Variants in PML observed in about 807,000 individuals in gnomAD.
PML encodes PML nuclear body scaffold.
A neutral mutation model predicts 65.2 loss-of-function variants in PML; 28 were observed. The observed-to-expected ratio is 0.43, with a 90% CI of 0.32 to 0.59. PML has a LOEUF of 0.59. Ranked by LOEUF, PML falls within the 20% of genes least tolerant of loss-of-function variation. PML has a pLI of 0.08. For synonymous variants in PML, 500 were observed against 508.8 expected, an observed-to-expected ratio of 0.98 and a Z score of 0.23; for missense variants, 1,021 against 1,203.4, an observed-to-expected ratio of 0.85 and a Z score of 2.24.
chr15:74,016,498 T>C (rs1318599872), intron 2 of PML, among the ~76,000 whole-genome samples: 2 of 152,044 alleles, frequency 1.3e-5, no homozygotes, highest in African/African-American at 2.4e-5. Flanking sequence ...TTTGTTGTAA[T>C]ACCTAGATGG....
At chr15:74,029,270 ATATAT>A (rs1193903506) in intron 4 of PML, among the ~76,000 whole-genome samples, 5 of 152,122 alleles carry the variant, frequency 3.3e-5, no homozygotes, top group South Asian at 2.1e-4. Context: ...GAAAAAAAAT[ATATAT>A]TATATCTTAA....
At position 74,035,799 on chromosome 15, in the gene PML, G is replaced by C. The variant is rs780279843; in HGVS notation, c.1710+1269G>C. 1 of 1,614,108 alleles carries C rather than the reference G, an allele frequency of 6.2e-7. No homozygotes were observed. The highest frequency in any genetic ancestry group is 1.3e-5 in the African/African-American group (1 of 75,040). On this transcript the variant is annotated intron_variant, in intron 7 of 8. Transcript: ENST00000268058. The surrounding 1 kb of genome is among the most constrained non-coding windows in gnomAD (Gnocchi z 4.1). ...AAGCAGAGCCCAGACTCTTGGAGCA[G>C]GTGTTCCCCCTGGGGACTCTGTCAG...
chr15:74,027,823 TGGCAGTGCTGCTGAGGGAA>T (rs2071148631), intron 4 of PML: 1 of 152,324 alleles, frequency 6.6e-6, no homozygotes, highest in South Asian at 2.1e-4. Flanking sequence ...TGCCTGGGGA[TGGCAGTGCTGCTGAGGGAA>T]GGAAGTGGGG....
intron 5 of PML, among the ~76,000 whole-genome samples, chr15:74,032,942 G>A (rs1346075969): frequency 6.6e-6 from 1 of 152,208 alleles, no homozygotes; most frequent in African/African-American, 2.4e-5. Context: ...AGACACTCAG[G>A]GTTGTCAGAG....
In PML at chr15:74,022,968, A is replaced by T; in HGVS notation, c.743A>T (p.Gln248Leu). The T allele has an allele frequency of 1.2e-6, 2 of 1,610,722 alleles. No homozygotes were observed. Among genetic ancestry groups the T allele is most frequent in the Non-Finnish European group, 1.7e-6 (2 of 1,178,890 alleles). ...EELDAMTQAL[Q>L]EQDSAFGAVH... ...CTGGACGCCATGACGCAGGCGCTGC[A>T]GGAGCAGGATAGTGCCTTTGGCGCG... Residue 248 changes from glutamine to leucine, a missense_variant, in exon 3 of 9, where the codon CAG becomes CTG. Coordinates refer to ENST00000268058, the MANE Select transcript of PML (RefSeq NM_033238.3).
chr15:74,037,088 T>A lies in PML; in HGVS notation c.1710+2558T>A. On this transcript the variant is annotated intron_variant, in intron 7 of 8. Coordinates refer to ENST00000268058, the MANE Select transcript of PML (RefSeq NM_033238.3). This position sits in a 1 kb window ranked among gnomAD's most constrained non-coding sequence, Gnocchi z 4.2. Reference sequence around the variant, plus strand: ...GACCGAGATCTGCAGGAGAAAGGCCTGGGAAAACTATGAGTGGTTGCCTGT... The same window carrying A: ...GACCGAGATCTGCAGGAGAAAGGCCAGGGAAAACTATGAGTGGTTGCCTGT... The A allele has an allele frequency of 1.0e-6, 1 of 985,410 alleles. No homozygotes were observed. Among genetic ancestry groups the A allele is most frequent in the Non-Finnish European group, 1.2e-6 (1 of 829,922 alleles). The allele number at this position is 985,410 out of a possible 1,614,324, so 61.0% of individuals were successfully genotyped here. A position where few individuals can be genotyped will look rare whatever the true frequency, so the allele number is the denominator to read the frequency against.
At chr15:74,000,978 A>G (rs1403600277) in intron 2 of PML, among the ~76,000 whole-genome samples, 1 of 152,218 alleles carries the variant, frequency 6.6e-6, no homozygotes, top group Non-Finnish European at 1.5e-5. Context: ...TGCCTTTTTT[A>G]TAGTAGATTT....
intron 1 of PML, 72 bp downstream of exon 1, chr15:73,995,013 G>C: frequency 7.3e-7 from 1 of 1,364,700 alleles, no homozygotes; most frequent in South Asian, 1.4e-5. Context: ...CGGGAAGAGA[G>C]GGTCTAACGG....
At chr15:74,010,185 A>ATTTTTTTTTTTTTTTTTTTTTTTTTTT (rs536738558) in intron 2 of PML, among the ~76,000 whole-genome samples, 1 of 77,930 alleles carries the variant, frequency 1.3e-5, no homozygotes, top group Non-Finnish European at 2.4e-5. Context: ...TGCCCAGCTA[A>ATTTTTTTTTTTTTTTTTTTTTTTTTTT]TTTTTTTTTT....
chr15:74,045,794 A>G lies in PML; in HGVS notation c.*786A>G. ...TCCCAAGGAGTGCCCAGCACTACTC[A>G]GCATGTAGTCCAGGACCTGCGGCAT... On this transcript the variant is annotated 3_prime_UTR_variant, in exon 9 of 9. Transcript: ENST00000268058. 1 of 232,686 alleles carries G rather than the reference A, an allele frequency of 4.3e-6. No homozygotes were observed. 14.4% of individuals were successfully genotyped at this position (232,686 alleles called of 1,614,324 possible).
chr15:74,031,414 C>T (rs192223696), intron 4 of PML: 50 of 283,112 alleles, frequency 1.8e-4, no homozygotes, highest in Middle Eastern at 1.3e-3. Flanking sequence ...GCTGGGACTA[C>T]AGGTGTGCAC....
At position 74,044,211 on chromosome 15, in the gene PML, T is replaced by C; in HGVS notation, c.1862-10T>C. ...CCTGGGTCCTCACCCTGCCCTTCTCTCCTGCCCAGCCCAGAAGATTAGCCA... is the reference window on the plus strand; with the variant it reads ...CCTGGGTCCTCACCCTGCCCTTCTCCCCTGCCCAGCCCAGAAGATTAGCCA... On this transcript the variant is annotated splice_polypyrimidine_tract_variant and intron_variant, in intron 8 of 8. Coordinates refer to ENST00000268058, the MANE Select transcript of PML (RefSeq NM_033238.3). 3 of 1,613,510 alleles carry C rather than the reference T, an allele frequency of 1.9e-6. No homozygotes were observed. The highest frequency in any genetic ancestry group is 2.5e-6 in the Non-Finnish European group (3 of 1,179,968).
intron 6 of PML, chr15:74,034,048 C>A: frequency 2.9e-6 from 1 of 346,452 alleles, no homozygotes; most frequent in South Asian, 2.8e-5. Flanking sequence ...TATTCCTTAC[C>A]CACAAATGCT....
intron 2 of PML, among the ~76,000 whole-genome samples, chr15:74,008,213 A>G (rs564894973): frequency 6.6e-6 from 1 of 152,372 alleles, no homozygotes; most frequent in African/African-American, 2.4e-5. Flanking sequence ...GTGAGTTTGC[A>G]GCATCTCAGG....
intron 2 of PML, among the ~76,000 whole-genome samples, chr15:74,002,593 G>C (rs1340664190): frequency 2.0e-5 from 3 of 147,990 alleles, no homozygotes; most frequent in Non-Finnish European, 3.0e-5. Flanking sequence ...ACAGGCGTGT[G>C]CCACCATGCC....
At chr15:74,034,208 G>T in intron 6 of PML, 1 of 534,066 alleles carries the variant, frequency 1.9e-6, no homozygotes, top group Non-Finnish European at 3.4e-6. Context: ...TCCTGTACAG[G>T]GGGCAAATTC....
intron 4 of PML, chr15:74,027,029 G>A (rs1383472485): frequency 1.3e-5 from 2 of 152,082 alleles, no homozygotes; most frequent in Non-Finnish European, 2.9e-5. Context: ...TTTGCCTTTT[G>A]CATTCTGTGT....
At position 73,998,113 on chromosome 15, in the gene PML, G is replaced by A; in HGVS notation, c.239G>A (p.Cys80Tyr). The change falls in exon 2 of 9, where the codon TGC becomes TAC. Residue 80 changes from cysteine to tyrosine, a missense_variant. Physicochemically the swap from Cys to Tyr is radical, Grantham distance 194. Transcript: ENST00000268058. ...TGTCTGCACACGCTGTGCTCAGGAT[G>A]CCTGGAGGCGTCGGGCATGCAGTGC... ...LPCLHTLCSG[C>Y]LEASGMQCPI... is the part of the protein sequence containing the mutation. 6.2e-7 allele frequency: 1 copy of A among 1,613,984 alleles called. No individual in the cohort carries two copies. The highest frequency in any genetic ancestry group is 1.7e-4 in the Middle Eastern group (1 of 5,920).
rs779240182 is a variant in PML, at chr15:74,035,894, T to C, written c.1710+1364T>C. On this transcript the variant is annotated intron_variant, in intron 7 of 8. Coordinates refer to ENST00000268058, the MANE Select transcript of PML (RefSeq NM_033238.3). This position sits in a 1 kb window ranked among gnomAD's most constrained non-coding sequence, Gnocchi z 4.1. ...CTCCAATTACATTCCCACCACCCTGTGCCCCAGAAAGGCCCCCCATCAGCC... is the reference window on the plus strand; with the variant it reads ...CTCCAATTACATTCCCACCACCCTGCGCCCCAGAAAGGCCCCCCATCAGCC... 2.5e-6 allele frequency: 4 copies of C among 1,613,648 alleles called. No homozygotes were observed. The African/African-American group carries it at 5.3e-5, about 22-fold the overall frequency.
Sources: gnomAD v4.1 joint callset for allele counts (sites outside exome capture counted in the v4.1 genomes callset) on GRCh38, gnomAD v4.1.1 for gene constraint, Gnocchi (gnomAD v3.1) non-coding constraint, MANE v1.5 for transcripts, NCBI Gene and HGNC (gene_info 2026-07-23, HGNC 2026-07-21) for gene names.